Variants in CFAP54 observed in about 807,000 individuals in gnomAD.
CFAP54 encodes the protein cilia- and flagella-associated protein 54.
CFAP54 carries 290 observed loss-of-function variants against 370.4 expected under a neutral mutation model. The ratio of observed to expected loss-of-function variants is 0.78; its 90% CI spans 0.71 to 0.86. The LOEUF (loss-of-function observed/expected upper bound fraction) is 0.86, where lower values mean the gene tolerates loss of function less well. Ranked by LOEUF, CFAP54 falls within the 40% of genes least tolerant of loss-of-function variation. The pLI, the probability that CFAP54 is intolerant of heterozygous loss-of-function variation, is 0.00. For synonymous variants in CFAP54, 1,206 were observed against 1,236.5 expected, an observed-to-expected ratio of 0.98 and a Z score of 0.52; for missense variants, 3,399 against 3,528.7, an observed-to-expected ratio of 0.96 and a Z score of 0.93.
At chr12:96,690,544 T>A (rs1957377482) in intron 43 of CFAP54, among the ~76,000 whole-genome samples, 1 of 152,162 alleles carries the variant, frequency 6.6e-6, no homozygotes, top group Admixed American at 6.6e-5. Flanking sequence ...TTTAAGCAGG[T>A]AAAAGTTTGG....
At chr12:96,860,205 T>C (rs539742382) in intron 66 of CFAP54, among the ~76,000 whole-genome samples, 4 of 148,822 alleles carry the variant, frequency 2.7e-5, no homozygotes, top group African/African-American at 7.4e-5. Flanking sequence ...GTGGTCATTC[T>C]ACACAAGTAT....
rs1047135408 is a variant in CFAP54 at position 96,581,064 on chromosome 12, C to T, written c.3034C>T (p.Pro1012Ser). The T allele has an allele frequency of 2.0e-6, 3 of 1,524,328 alleles. No individual in the cohort carries two copies. The highest frequency in any genetic ancestry group is 2.8e-5 in the African/African-American group (2 of 72,330). The allele number at this position is 1,524,328 out of a possible 1,614,324, so 94.4% of individuals were successfully genotyped here. A position where few individuals can be genotyped will look rare whatever the true frequency, so the allele number is the denominator to read the frequency against. The change falls in exon 22 of 68, where the codon CCC becomes TCC. Residue 1012 changes from proline (P) to serine (S), a missense_variant. Pro to Ser is a moderately conservative substitution (Grantham distance 74, BLOSUM62 -1). Coordinates refer to ENST00000524981, the MANE Select transcript of CFAP54 (RefSeq NM_001306084.2). ...GACAACTAAACCAATTCTGGTTTAT[C>T]CCCCTCTTTCTACTATTACTGCTCG... Reference protein sequence around the residue: ...GETTKPILVYPPLSTITARMF... With the variant: ...GETTKPILVYSPLSTITARMF...
At chr12:96,644,730 A>G (rs1449310950) in intron 33 of CFAP54, among the ~76,000 whole-genome samples, 1 of 152,296 alleles carries the variant, frequency 6.6e-6, no homozygotes, top group Non-Finnish European at 1.5e-5. Context: ...CCATATGCTC[A>G]TAAAACGATC....
chr12:96,653,303 C>T (rs530505641), intron 36 of CFAP54, among the ~76,000 whole-genome samples: 13 of 152,234 alleles, frequency 8.5e-5, no homozygotes, highest in African/African-American at 2.9e-4. Context: ...ACTGTGGTAC[C>T]GTAAACCCAG....
chr12:96,686,383 C>T (rs1957329696), intron 42 of CFAP54, among the ~76,000 whole-genome samples: 1 of 152,188 alleles, frequency 6.6e-6, no homozygotes. Context: ...GTATGTTAGG[C>T]TGTTCTTGCT....
At chr12:96,582,522 T>A (rs7307083) in intron 22 of CFAP54, among the ~76,000 whole-genome samples, 111 of 152,256 alleles carry the variant, frequency 7.3e-4, no homozygotes, top group African/African-American at 2.6e-3. Context: ...ATTTGTCTAG[T>A]ATTGGTTTAG....
intron 40 of CFAP54, among the ~76,000 whole-genome samples, chr12:96,683,451 C>G (rs1283257324): frequency 6.6e-6 from 1 of 152,214 alleles, no homozygotes; most frequent in African/African-American, 2.4e-5. Context: ...CTGGAAAATT[C>G]AGAAATCATG....
At chr12:96,794,423 T>C (rs114229418) in intron 63 of CFAP54, among the ~76,000 whole-genome samples, 2,308 of 148,276 alleles carry the variant, frequency 0.016, 75 homozygotes, top group African/African-American at 0.055. Context: ...CTTGGAGATG[T>C]TGTTCTTTTT....
chr12:96,577,722 T>C (rs1175832769), intron 20 of CFAP54, among the ~76,000 whole-genome samples: 1 of 152,094 alleles, frequency 6.6e-6, no homozygotes, highest in Non-Finnish European at 1.5e-5. Flanking sequence ...TTAGCTGATA[T>C]CTTTCCACTT....
At chr12:96,594,244 C>T in intron 24 of CFAP54, 47 bp from the exon 25 acceptor site, 1 of 1,358,568 alleles carries the variant, frequency 7.4e-7, no homozygotes. Context: ...GACACATACG[C>T]TAAGCACCTA....
In CFAP54 at chr12:96,644,554, A is replaced by T. The variant is rs930020430; in HGVS notation, c.4547+146A>T. On this transcript the variant is annotated intron_variant, in intron 33 of 67. Coordinates refer to ENST00000524981, the MANE Select transcript of CFAP54 (RefSeq NM_001306084.2). ...ATACTGGCTCTATTAGTCTGTTCTC[A>T]CACTGCTATAAAGAACTTCCCGAGA... is the stretch of plus-strand genomic sequence containing the variant. 12 of 609,656 alleles carry T rather than the reference A, an allele frequency of 2.0e-5. No individual in the cohort carries two copies. The African/African-American group carries it at 2.0e-4, about 10-fold the overall frequency. 37.8% of individuals were successfully genotyped at this position (609,656 alleles called of 1,614,324 possible). A position where few individuals can be genotyped will look rare whatever the true frequency, so the allele number is the denominator to read the frequency against.
chr12:96,559,215 C>A (rs1955789672), intron 17 of CFAP54, among the ~76,000 whole-genome samples: 1 of 150,522 alleles, frequency 6.6e-6, no homozygotes, highest in South Asian at 2.1e-4. Context: ...GGCTCCATCT[C>A]AAAAAAAAAT....
At chr12:96,806,211 TATA>T (rs1958879479) in intron 63 of CFAP54, among the ~76,000 whole-genome samples, 1 of 65,130 alleles carries the variant, frequency 1.5e-5, no homozygotes, top group Non-Finnish European at 3.0e-5. Flanking sequence ...TATATATATA[TATA>T]ATAACAACAT....
intron 16 of CFAP54, 82 bp downstream of exon 16, chr12:96,554,392 C>T: frequency 7.1e-7 from 1 of 1,407,896 alleles, no homozygotes; most frequent in Non-Finnish European, 9.2e-7. Context: ...GTAAGTAAAG[C>T]ATGACTTGTG....
intron 66 of CFAP54, among the ~76,000 whole-genome samples, chr12:96,840,621 TC>T (rs56060428): frequency 0.32 from 34,318 of 108,196 alleles, 4,290 homozygotes; most frequent in South Asian, 0.55. Context: ...TTTCTCTGTT[TC>T]TTTCTTTTTT....
chr12:96,599,025 A>G (rs1956210039), intron 26 of CFAP54, among the ~76,000 whole-genome samples: 1 of 152,108 alleles, frequency 6.6e-6, no homozygotes, highest in Non-Finnish European at 1.5e-5. Context: ...ATTTATTATT[A>G]TACTTTAAGT....
chr12:96,560,701 G>A (rs1441172186), intron 17 of CFAP54, among the ~76,000 whole-genome samples: 2 of 152,200 alleles, frequency 1.3e-5, no homozygotes, highest in South Asian at 2.1e-4. Flanking sequence ...AAGTGCAATC[G>A]TTTTATTAAG....
intron 36 of CFAP54, among the ~76,000 whole-genome samples, chr12:96,653,152 T>C (rs1356619522): frequency 6.6e-6 from 1 of 152,232 alleles, no homozygotes; most frequent in Non-Finnish European, 1.5e-5. Flanking sequence ...TCCTGAGTTT[T>C]CTTTACAATA....
intron 36 of CFAP54, among the ~76,000 whole-genome samples, chr12:96,654,358 G>A (rs1956895937): frequency 6.6e-6 from 1 of 151,934 alleles, no homozygotes; most frequent in Non-Finnish European, 1.5e-5. Context: ...AAAATTAGCC[G>A]GGCGTAGTGG....
Sources: allele counts gnomAD v4.1 joint callset (sites outside exome capture counted in the v4.1 genomes callset), GRCh38; gene constraint gnomAD v4.1.1; transcripts MANE v1.5; gene names NCBI Gene and HGNC (gene_info 2026-07-23, HGNC 2026-07-21).